RALGAPA2: variants seen among roughly 807,000 people sequenced by gnomAD.
The protein encoded by RALGAPA2 is Ral GTPase activating protein catalytic subunit alpha 2, also known as ral GTPase-activating protein subunit alpha-2.
RALGAPA2 carries 139 observed loss-of-function variants against 230.4 expected under a neutral mutation model. The observed-to-expected ratio is 0.60, with a 90% CI of 0.53 to 0.69. The LOEUF (loss-of-function observed/expected upper bound fraction) is 0.69, where lower values mean the gene tolerates loss of function less well. RALGAPA2 is among the 30% of genes least tolerant of loss of function. The pLI is 0.00. For missense variants in RALGAPA2, 2,163 were observed against 2,276.0 expected (o/e 0.95, Z 1.01); for synonymous variants, 847 against 837.8 (o/e 1.01, Z -0.19).
intron 37 of RALGAPA2, among the ~76,000 whole-genome samples, chr20:20,418,410 G>C (rs955266092): frequency 6.6e-6 from 1 of 152,174 alleles, no homozygotes; most frequent in African/African-American, 2.4e-5. Context: ...AACTGGCCTG[G>C]CTTCTTGGGA....
intron 36 of RALGAPA2, among the ~76,000 whole-genome samples, chr20:20,475,567 C>T (rs1041941131): frequency 6.6e-6 from 1 of 152,060 alleles, no homozygotes; most frequent in Non-Finnish European, 1.5e-5. Flanking sequence ...CAAAAACTCT[C>T]AGCAAACCAG....
intron 1 of RALGAPA2, among the ~76,000 whole-genome samples, chr20:20,708,936 C>T (rs909368367): frequency 6.6e-6 from 1 of 151,060 alleles, no homozygotes; most frequent in East Asian, 2.0e-4. Flanking sequence ...AAGCCCAGCA[C>T]TTTGGGAGGC....
chr20:20,685,170 A>C (rs1204656954), intron 1 of RALGAPA2, among the ~76,000 whole-genome samples: 1 of 152,156 alleles, frequency 6.6e-6, no homozygotes, highest in Non-Finnish European at 1.5e-5. Flanking sequence ...TCCTTCAGAC[A>C]GGCAATCTTG....
chr20:20,570,080 A>G (rs544611356), intron 23 of RALGAPA2, among the ~76,000 whole-genome samples: 1 of 152,258 alleles, frequency 6.6e-6, no homozygotes, highest in African/African-American at 2.4e-5. Context: ...ATATTTGAGC[A>G]GGGAGTACAA....
In RALGAPA2 at chr20:20,495,241, A is replaced by G; in HGVS notation, c.5243T>C (p.Val1748Ala). 1 of 1,564,440 alleles carries G rather than the reference A, an allele frequency of 6.4e-7. No individual in the cohort carries two copies. The change falls in exon 36 of 40, where the codon GTC (valine) becomes GCC (alanine). Residue 1748 changes from valine (V) to alanine (A), a missense_variant. Physicochemically the swap from Val to Ala is moderately conservative, Grantham distance 64. Transcript: ENST00000202677. ...RHLGNDEVHIVWSEHSRDYRR... is the reference protein window; with the variant it reads ...RHLGNDEVHIAWSEHSRDYRR... ...GTAGTCTCTGGAGTGTTCAGACCAGACGATATGGACCTCGTCATTCCCCAA... is the reference window on the plus strand; with the variant it reads ...GTAGTCTCTGGAGTGTTCAGACCAGGCGATATGGACCTCGTCATTCCCCAA...
rs547760650 is a variant in RALGAPA2 at position 20,391,591 on chromosome 20, T to G, written c.*1698A>C. The G allele has an allele frequency of 1.2e-4, 18 of 152,360 alleles. 1 individual carries two copies. Among genetic ancestry groups the G allele is most frequent in the African/African-American group, 3.8e-4 (16 of 41,594 alleles). 9.4% of individuals were successfully genotyped at this position (152,360 alleles called of 1,614,324 possible). On this transcript the variant is annotated 3_prime_UTR_variant, in exon 40 of 40. Coordinates refer to ENST00000202677, the MANE Select transcript of RALGAPA2 (RefSeq NM_020343.4). ...TTCTCATTTGTCCCAAGAGTGAGTC[T>G]GGCTCCTGAGTCTCCCCGTTTTCCC... is the stretch of plus-strand genomic sequence containing the variant.
chr20:20,550,485 C>T (rs1184336392), intron 23 of RALGAPA2, among the ~76,000 whole-genome samples: 2 of 152,174 alleles, frequency 1.3e-5, no homozygotes, highest in South Asian at 4.1e-4. Flanking sequence ...CTTCTCTCAA[C>T]TCCAGCTGGC....
rs1274969630 is a variant in RALGAPA2, at chr20:20,601,811, C to T, written c.2074G>A (p.Gly692Arg). ...CGCCAGCTGAGAGAAAAGGACCTCC[C>T]CACGGTGGTTCCTTTCTGAGGATCT... ...VLDPQKGTTV[G>R]RSFSLSWRSH... The change falls in exon 16 of 40, where the codon GGG (glycine) becomes AGG (arginine). Residue 692 changes from glycine (G) to arginine (R), a missense_variant. By Grantham distance (125) the Gly-to-Arg change is moderately radical (BLOSUM62 -2). Transcript: ENST00000202677. 6.2e-7 allele frequency: 1 copy of T among 1,612,370 alleles called. No individual in the cohort carries two copies. The highest frequency in any genetic ancestry group is 1.7e-5 in the Admixed American group (1 of 59,704).
intron 3 of RALGAPA2, among the ~76,000 whole-genome samples, chr20:20,667,935 G>T (rs1603227452): frequency 6.6e-6 from 1 of 152,152 alleles, no homozygotes; most frequent in African/African-American, 2.4e-5. Flanking sequence ...CCAACCTGTG[G>T]AGGTAAATGC....
chr20:20,499,783 CG>C (rs34953084), intron 35 of RALGAPA2, among the ~76,000 whole-genome samples: 2 of 152,304 alleles, frequency 1.3e-5, no homozygotes, highest in South Asian at 4.1e-4. Context: ...TTGATCACTA[CG>C]GAAGTTGTCT....
At chr20:20,533,451 C>T (rs2063418754) in intron 26 of RALGAPA2, among the ~76,000 whole-genome samples, 3 of 152,022 alleles carry the variant, frequency 2.0e-5, no homozygotes, top group African/African-American at 7.2e-5. Flanking sequence ...TAGGACAATT[C>T]TAAACTTTTA....
chr20:20,562,862 G>A (rs1188019591), intron 23 of RALGAPA2, among the ~76,000 whole-genome samples: 3 of 152,072 alleles, frequency 2.0e-5, no homozygotes, highest in African/African-American at 7.2e-5. Context: ...AAAATATCTC[G>A]CATTTATTTT....
intron 39 of RALGAPA2, among the ~76,000 whole-genome samples, chr20:20,394,090 C>A (rs1219685648): frequency 6.6e-6 from 1 of 152,234 alleles, no homozygotes; most frequent in Non-Finnish European, 1.5e-5. Context: ...CTGCGTGATT[C>A]ACTTGCAGGG....
At chr20:20,614,614 A>C (rs140267735) in intron 13 of RALGAPA2, among the ~76,000 whole-genome samples, 1 of 152,328 alleles carries the variant, frequency 6.6e-6, no homozygotes, top group Non-Finnish European at 1.5e-5. Context: ...GAAAGATGAC[A>C]TTGGAATCTA....
chr20:20,636,325 T>G (rs1267151771), intron 8 of RALGAPA2, among the ~76,000 whole-genome samples: 2 of 152,230 alleles, frequency 1.3e-5, no homozygotes, highest in Non-Finnish European at 2.9e-5. Flanking sequence ...GGAATACCTG[T>G]ATGAGGCAGA....
intron 27 of RALGAPA2, among the ~76,000 whole-genome samples, chr20:20,530,898 G>C (rs1398815600): frequency 6.6e-6 from 1 of 152,174 alleles, no homozygotes; most frequent in African/African-American, 2.4e-5. Flanking sequence ...GCACTCACTG[G>C]TTCCCTAAGT....
chr20:20,509,551 G>T (rs918143519), intron 33 of RALGAPA2, among the ~76,000 whole-genome samples: 3 of 152,196 alleles, frequency 2.0e-5, no homozygotes, highest in African/African-American at 7.2e-5. Context: ...GAGGGAATCA[G>T]GTTTGGAACA....
chr20:20,494,664 T>C (rs1844763536), intron 36 of RALGAPA2, among the ~76,000 whole-genome samples: 1 of 152,224 alleles, frequency 6.6e-6, no homozygotes, highest in Non-Finnish European at 1.5e-5. Flanking sequence ...TTCTGCAGGA[T>C]TGACCCCATT....
At chr20:20,480,861 A>G (rs1015950352) in intron 36 of RALGAPA2, among the ~76,000 whole-genome samples, 1 of 152,238 alleles carries the variant, frequency 6.6e-6, no homozygotes, top group Non-Finnish European at 1.5e-5. Flanking sequence ...TGAGTGACTC[A>G]TAAGTGCCCT....
Sources: allele counts gnomAD v4.1 joint callset (sites outside exome capture counted in the v4.1 genomes callset), GRCh38; gene constraint gnomAD v4.1.1; transcripts MANE v1.5; gene names NCBI Gene and HGNC (gene_info 2026-07-23, HGNC 2026-07-21).